Variants in USP35 observed in about 807,000 individuals in gnomAD.
USP35 encodes the protein ubiquitin specific peptidase 35.
In USP35, 69 loss-of-function variants were observed where a neutral mutation model predicts 83.8. That is an observed-to-expected ratio of 0.82 (90% CI 0.68 to 1.01). The LOEUF (loss-of-function observed/expected upper bound fraction) is 1.01. Among genes scored for constraint, USP35 ranks in the 50% least tolerant of loss-of-function variants. The pLI is 0.00. For missense variants in USP35, 1,503 were observed against 1,362.5 expected, an observed-to-expected ratio of 1.10 and a Z score of -1.62; for synonymous variants, 714 against 589.5, an observed-to-expected ratio of 1.21 and a Z score of -3.06.
At chr11:78,215,869 G>A (rs1378254753), downstream of USP35, 2 of 152,730 alleles carry the variant, frequency 1.3e-5, no homozygotes, top group Non-Finnish European at 2.9e-5. Context: ...AAATGGGATA[G>A]GGGTGCTGGG....
chr11:78,234,157 T>C, the USP35 span, among the ~76,000 whole-genome samples: 1 of 152,196 alleles, frequency 6.6e-6, no homozygotes, highest in Non-Finnish European at 1.5e-5. Context: ...CTTGGCTCAC[T>C]GCAGTCTTGA....
rs901100 is a variant in USP35 at position 78,190,150 on chromosome 11, G to A, written c.-11+993G>A. Among the ~76,000 whole-genome samples, 432 of 152,334 alleles carry A rather than the reference G, an allele frequency of 2.8e-3. 5 individuals carry two copies. The East Asian group carries it at 0.031, about 11-fold the overall frequency. On this transcript the variant is annotated intron_variant, in intron 1 of 10. Transcript: ENST00000529308. ...AGGGGCTGCTCTGACCTGGAGCAGG[G>A]AGAGGTTGAGTAACACCATGAAGCC...
At chr11:78,228,798 G>A in the USP35 span, among the ~76,000 whole-genome samples, 1 of 149,610 alleles carries the variant, frequency 6.7e-6, no homozygotes, top group African/African-American at 2.5e-5. Flanking sequence ...GAACATCTAG[G>A]CTTTAGATAA....
At position 78,214,137 on chromosome 11, in the gene USP35, C is replaced by CAGGCTAGACCT; in HGVS notation, c.*325_*335dup. The CAGGCTAGACCT allele has an allele frequency of 3.9e-6, 1 of 258,170 alleles. No homozygotes were observed. The highest frequency in any genetic ancestry group is 7.3e-6 in the Non-Finnish European group (1 of 137,270). The allele number at this position is 258,170 out of a possible 1,614,324, so 16.0% of individuals were successfully genotyped here. ...GGAAGATCTGATGATGTTCAGGAAA[C>CAGGCTAGACCT]AGGCTAGACCTCAGCTCCAATGTTT... On this transcript the variant is annotated 3_prime_UTR_variant, in exon 11 of 11. Coordinates refer to ENST00000529308, the MANE Select transcript of USP35 (RefSeq NM_020798.4).
Position 78,196,683 on chromosome 11 carries a change from G to A in USP35, c.438G>A (p.Arg146=), listed in dbSNP as rs891309911. The part of the protein sequence containing the change: ...PGPAACAQVA[R]LLARHPRCVP... Reference sequence around the variant, plus strand: ...CCGCGGCCTGCGCGCAGGTGGCACGGCTGCTGGCTCGCCACCCGCGCTGTG... The same window carrying A: ...CCGCGGCCTGCGCGCAGGTGGCACGACTGCTGGCTCGCCACCCGCGCTGTG... Residue 146 remains arginine, a synonymous_variant, in exon 2 of 11, where the codon CGG becomes CGA. Transcript: ENST00000529308. The surrounding 1 kb of genome is among the most constrained non-coding windows in gnomAD (Gnocchi z 4.8). 3 of 1,485,580 alleles carry A rather than the reference G, an allele frequency of 2.0e-6. No individual in the cohort carries two copies. The highest frequency in any genetic ancestry group is 2.7e-6 in the Non-Finnish European group (3 of 1,124,650). The allele number at this position is 1,485,580 out of a possible 1,614,324, so 92.0% of individuals were successfully genotyped here. A position where few individuals can be genotyped will look rare whatever the true frequency, so the allele number is the denominator to read the frequency against.
In USP35 at chr11:78,188,952, T is replaced by C; in HGVS notation, c.-216T>C. On this transcript the variant is annotated 5_prime_UTR_variant, in exon 1 of 11. Transcript: ENST00000529308. ...GGCCGCGCCGCAGAGTCGGGCTTCC[T>C]GGATACATAGAGGCTTGTGCCAGGC... 4.1e-6 allele frequency: 4 copies of C among 985,638 alleles called. No homozygotes were observed. The highest frequency in any genetic ancestry group is 4.8e-6 in the Non-Finnish European group (4 of 830,088). The allele number at this position is 985,638 out of a possible 1,614,324, so 61.1% of individuals were successfully genotyped here. A position where few individuals can be genotyped will look rare whatever the true frequency, so the allele number is the denominator to read the frequency against.
At chr11:78,229,968 A>G in the USP35 span, among the ~76,000 whole-genome samples, 1 of 152,202 alleles carries the variant, frequency 6.6e-6, no homozygotes, top group African/African-American at 2.4e-5. Context: ...TCACTTGCTT[A>G]ACTTTGTTCT....
the USP35 span, among the ~76,000 whole-genome samples, chr11:78,230,196 C>T: frequency 2.6e-3 from 395 of 152,354 alleles, 7 homozygotes; most frequent in Middle Eastern, 0.02. Flanking sequence ...TTTTCCTGGG[C>T]TTGGCCCAAA....
rs893560056 is a variant in USP35 at position 78,213,523 on chromosome 11, GTC to G, written c.2890-119_2890-118del. 16 of 1,161,486 alleles carry G rather than the reference GTC, an allele frequency of 1.4e-5. No individual in the cohort carries two copies. The African/African-American group carries it at 1.9e-4, about 14-fold the overall frequency. The allele number at this position is 1,161,486 out of a possible 1,614,324, so 71.9% of individuals were successfully genotyped here. A position where few individuals can be genotyped will look rare whatever the true frequency, so the allele number is the denominator to read the frequency against. On this transcript the variant is annotated intron_variant, in intron 10 of 10. Coordinates refer to ENST00000529308, the MANE Select transcript of USP35 (RefSeq NM_020798.4). ...GGATATCCTGCCACTGAGCTGCAATGTCTCTGTGTGTCCAGGCCCTGGGGACC... is the reference window on the plus strand; with the variant it reads ...GGATATCCTGCCACTGAGCTGCAATGTCTGTGTGTCCAGGCCCTGGGGACC...
At chr11:78,206,056 C>T (rs1488088053) in intron 7 of USP35, 21 bp downstream of exon 7, 2 of 1,598,616 alleles carry the variant, frequency 1.3e-6, no homozygotes, top group African/African-American at 1.3e-5. Context: ...CTTTGGAATT[C>T]CCTGTCTGCC....
intron 1 of USP35, among the ~76,000 whole-genome samples, chr11:78,192,434 G>C (rs746953023): frequency 7.2e-5 from 11 of 152,242 alleles, no homozygotes; most frequent in Non-Finnish European, 1.5e-4. Context: ...CAGTGGGATA[G>C]CTGGCCTTGT....
chr11:78,209,445 C>T lies in USP35; in HGVS notation c.1593-3C>T, dbSNP rs1330964485. On this transcript the variant is annotated splice_polypyrimidine_tract_variant and splice_region_variant and intron_variant, in intron 9 of 10. Transcript: ENST00000529308. ...TGTAGTGACTCTGTGCTCTCTGCCC[C>T]AGGCTGCACGAAGAGGAGAAAACGG... 6.3e-7 allele frequency: 1 copy of T among 1,594,736 alleles called. No individual in the cohort carries two copies.
chr11:78,189,575 C>T (rs1240662441), intron 1 of USP35, among the ~76,000 whole-genome samples: 1 of 152,100 alleles, frequency 6.6e-6, no homozygotes, highest in Non-Finnish European at 1.5e-5. Flanking sequence ...CCTGGGATAC[C>T]CTCCCCAACC....
At chr11:78,226,520 G>A in the USP35 span, 1 of 1,613,528 alleles carries the variant, frequency 6.2e-7, no homozygotes, top group Non-Finnish European at 8.5e-7. Context: ...TGGGGATGGT[G>A]GCAGCGACAG....
At chr11:78,233,763 C>T in the USP35 span, among the ~76,000 whole-genome samples, 98 of 152,256 alleles carry the variant, frequency 6.4e-4, no homozygotes, top group Non-Finnish European at 1.1e-3. Flanking sequence ...AGCACATCCA[C>T]GCCTGTCTAA....
At chr11:78,217,372 A>C (rs1864200417), downstream of USP35, 1 of 152,252 alleles carries the variant, frequency 6.6e-6, no homozygotes, top group Admixed American at 6.5e-5. Context: ...GATCTAAACT[A>C]ATGCTAGGAG....
Position 78,213,703 on chromosome 11 carries a change from C to G in USP35, c.2947C>G (p.Pro983Ala). The G allele has an allele frequency of 6.5e-7, 1 of 1,531,820 alleles. No homozygotes were observed. The highest frequency in any genetic ancestry group is 1.3e-5 in the South Asian group (1 of 77,530). 94.9% of individuals were successfully genotyped at this position (1,531,820 alleles called of 1,614,324 possible). ...AAYISALPTS[P>A]HWGRGFDEDK... ...CTACATCTCTGCACTCCCCACATCT[C>G]CGCACTGGGGGAGGGGCTTTGATGA... Residue 983 changes from proline to alanine, a missense_variant, in exon 11 of 11, where the codon CCG (proline) becomes GCG (alanine). Transcript: ENST00000529308.
At chr11:78,207,326 A>C in intron 7 of USP35, 1 of 564,378 alleles carries the variant, frequency 1.8e-6, no homozygotes. Context: ...AAACATGTCT[A>C]TTGTTGTGTT....
chr11:78,190,467 G>T (rs1326468209), intron 1 of USP35, among the ~76,000 whole-genome samples: 1 of 152,190 alleles, frequency 6.6e-6, no homozygotes, highest in Non-Finnish European at 1.5e-5. Flanking sequence ...TACTTTTGTG[G>T]TTACATCTTT....
Sources: gnomAD v4.1 joint callset for allele counts (sites outside exome capture counted in the v4.1 genomes callset) on GRCh38, gnomAD v4.1.1 for gene constraint, Gnocchi (gnomAD v3.1) non-coding constraint, MANE v1.5 for transcripts, NCBI Gene and HGNC (gene_info 2026-07-23, HGNC 2026-07-21) for gene names.